Variants in PARPBP observed in about 807,000 individuals in gnomAD.
PARPBP encodes the protein PCNA-interacting partner.
In PARPBP, 52 loss-of-function variants were observed where a neutral mutation model predicts 50.0. The observed-to-expected ratio is 1.04, with a 90% CI of 0.83 to 1.31. The LOEUF is 1.31. PARPBP is among the 50% of genes most tolerant of loss of function. The probability of loss-of-function intolerance (pLI) is 0.00; values close to 1 mark genes in which losing one functional copy is unlikely to be tolerated. For missense variants in PARPBP, 697 were observed against 672.0 expected (o/e 1.04, Z -0.41); for synonymous variants, 244 against 232.1 (o/e 1.05, Z -0.47).
At chr12:102,163,122 A>C (rs918901841) in intron 4 of PARPBP, among the ~76,000 whole-genome samples, 5 of 152,162 alleles carry the variant, frequency 3.3e-5, no homozygotes, top group African/African-American at 1.2e-4. Flanking sequence ...TCTTTTCTTC[A>C]TTGTTCCTTT....
intron 2 of PARPBP, among the ~76,000 whole-genome samples, chr12:102,125,218 C>CT (rs1211744268): frequency 6.6e-6 from 1 of 152,070 alleles, no homozygotes; most frequent in Admixed American, 6.5e-5. Flanking sequence ...GAAGTCACTT[C>CT]TTATGGAGTG....
chr12:102,195,858 C>T (rs1000254806), intron 10 of PARPBP, 93 bp from the exon 11 acceptor site: 33 of 738,916 alleles, frequency 4.5e-5, no homozygotes, highest in Admixed American at 4.2e-4. Context: ...TTTGAATATT[C>T]GTTAGCCATT....
At chr12:102,191,697 G>A (rs1890806365) in intron 9 of PARPBP, among the ~76,000 whole-genome samples, 1 of 152,180 alleles carries the variant, frequency 6.6e-6, no homozygotes, top group Non-Finnish European at 1.5e-5. Flanking sequence ...AAGAGCTTGT[G>A]GCAAAAGGAC....
intron 8 of PARPBP, among the ~76,000 whole-genome samples, chr12:102,180,167 G>A (rs747003517): frequency 3.3e-5 from 5 of 152,116 alleles, no homozygotes; most frequent in African/African-American, 4.8e-5. Flanking sequence ...TTTTATTAAC[G>A]ATAAATATTT....
intron 4 of PARPBP, among the ~76,000 whole-genome samples, chr12:102,155,451 T>C (rs1428060515): frequency 6.6e-6 from 1 of 151,892 alleles, no homozygotes; most frequent in African/African-American, 2.4e-5. Flanking sequence ...GCTGGGAAGG[T>C]GACCGCATCC....
At position 102,196,919 on chromosome 12, in the gene PARPBP, G is replaced by A; in HGVS notation, c.*628G>A. 7.0e-7 allele frequency: 1 copy of A among 1,438,800 alleles called. No individual in the cohort carries two copies. Among genetic ancestry groups the A allele is most frequent in the Non-Finnish European group, 9.7e-7 (1 of 1,028,434 alleles). The allele number at this position is 1,438,800 out of a possible 1,614,324, so 89.1% of individuals were successfully genotyped here. On this transcript the variant is annotated 3_prime_UTR_variant, in exon 11 of 11. Coordinates refer to ENST00000327680, the MANE Select transcript of PARPBP (RefSeq NM_017915.5). ...GCATCCAAATTCACTTTAACTCAGA[G>A]TTCTGTTTAATGGTGGTAGGATGTA...
intron 4 of PARPBP, among the ~76,000 whole-genome samples, chr12:102,156,824 T>A (rs1015172145): frequency 6.6e-6 from 1 of 152,076 alleles, no homozygotes; most frequent in African/African-American, 2.4e-5. Flanking sequence ...GTATTTTTAG[T>A]AGAGACCAGG....
chr12:102,189,733 A>G (rs1363290379), intron 9 of PARPBP, among the ~76,000 whole-genome samples: 2 of 152,094 alleles, frequency 1.3e-5, no homozygotes, highest in Admixed American at 1.3e-4. Context: ...GAAAAAAAAC[A>G]GTGAATAAAT....
chr12:102,136,623 A>C (rs1357339695), intron 2 of PARPBP, among the ~76,000 whole-genome samples: 1 of 152,174 alleles, frequency 6.6e-6, no homozygotes, highest in Non-Finnish European at 1.5e-5. Context: ...GTGAAAGTTC[A>C]GACTCTGGGT....
intron 3 of PARPBP, among the ~76,000 whole-genome samples, chr12:102,151,004 C>T (rs1231571465): frequency 6.6e-6 from 1 of 152,144 alleles, no homozygotes; most frequent in African/African-American, 2.4e-5. Context: ...ACTTGTAGAA[C>T]TGTCATCACT....
At chr12:102,136,833 G>A (rs1308659410) in intron 2 of PARPBP, among the ~76,000 whole-genome samples, 1 of 152,128 alleles carries the variant, frequency 6.6e-6, no homozygotes, top group Non-Finnish European at 1.5e-5. Context: ...TTCGTGAGTA[G>A]CATATAGTAA....
intron 8 of PARPBP, among the ~76,000 whole-genome samples, chr12:102,180,094 A>G (rs1203498540): frequency 6.6e-6 from 1 of 152,088 alleles, no homozygotes; most frequent in African/African-American, 2.4e-5. Flanking sequence ...AACTTCCATG[A>G]CTATTCTTTT....
At position 102,148,290 on chromosome 12, in the gene PARPBP, C is replaced by CAT; in HGVS notation, c.215_216dup (p.Glu73MetfsTer4). On this transcript the variant is annotated frameshift_variant, in exon 3 of 11. Coordinates refer to ENST00000327680, the MANE Select transcript of PARPBP (RefSeq NM_017915.5). LOFTEE classifies it high-confidence loss of function. ...TTTATTGACATGGAAATACTTGCTCCATGAGAAATTGAACTTACCAGTTGA... is the reference window on the plus strand; with the variant it reads ...TTTATTGACATGGAAATACTTGCTCCATATGAGAAATTGAACTTACCAGTTGA... 1 of 1,608,378 alleles carries CAT rather than the reference C, an allele frequency of 6.2e-7. No homozygotes were observed. Among genetic ancestry groups the CAT allele is most frequent in the Non-Finnish European group, 8.5e-7 (1 of 1,176,046 alleles).
chr12:102,141,284 T>G (rs1030814916), intron 2 of PARPBP, among the ~76,000 whole-genome samples: 6 of 152,228 alleles, frequency 3.9e-5, no homozygotes, highest in African/African-American at 9.6e-5. Context: ...AAGTCTGTTT[T>G]ATCAGAGACT....
At chr12:102,173,137 C>G (rs79835345) in intron 6 of PARPBP, among the ~76,000 whole-genome samples, 5,412 of 152,150 alleles carry the variant, frequency 0.036, 375 homozygotes, top group East Asian at 0.29. Flanking sequence ...GCCAGCGAGG[C>G]AAGTGAAGAA....
chr12:102,192,232 T>G (rs1337492526), intron 9 of PARPBP, among the ~76,000 whole-genome samples: 1 of 152,138 alleles, frequency 6.6e-6, no homozygotes, highest in Non-Finnish European at 1.5e-5. Flanking sequence ...TCCTACATGT[T>G]ATTACAATAA....
intron 3 of PARPBP, among the ~76,000 whole-genome samples, chr12:102,150,611 ATC>A (rs1292988529): frequency 6.6e-6 from 1 of 152,224 alleles, no homozygotes; most frequent in Non-Finnish European, 1.5e-5. Context: ...GCCCATGGGC[ATC>A]TCGGAGCATA....
In PARPBP at chr12:102,187,669, C is replaced by T. The variant is rs138912212; in HGVS notation, c.1263+5042C>T. Among the ~76,000 whole-genome samples the T allele has an allele frequency of 5.8e-3, 886 of 152,044 alleles. 10 individuals are homozygous for T. The highest frequency in any genetic ancestry group is 0.02 in the African/African-American group (827 of 41,462). On this transcript the variant is annotated intron_variant, in intron 9 of 10. Transcript: ENST00000327680. ...TCTACCTCTACTGTTCCTCAAGCTACGGAAAAATGAGGGATAACAGAAAAA... is the reference window on the plus strand; with the variant it reads ...TCTACCTCTACTGTTCCTCAAGCTATGGAAAAATGAGGGATAACAGAAAAA...
Position 102,196,349 on chromosome 12 carries a change from C to A in PARPBP, c.*58C>A. On this transcript the variant is annotated 3_prime_UTR_variant, in exon 11 of 11. Transcript: ENST00000327680. ...CTATAAACCATTCACCAAAGACATG[C>A]TTAATTTTTAAGAGATCAAGGTGTA... The A allele has an allele frequency of 8.7e-7, 1 of 1,147,642 alleles. No individual in the cohort carries two copies. The highest frequency in any genetic ancestry group is 1.2e-6 in the Non-Finnish European group (1 of 802,650). The allele number at this position is 1,147,642 out of a possible 1,614,324, so 71.1% of individuals were successfully genotyped here.
Sources: allele counts gnomAD v4.1 joint callset (sites outside exome capture counted in the v4.1 genomes callset), GRCh38; gene constraint gnomAD v4.1.1; transcripts MANE v1.5; gene names NCBI Gene and HGNC (gene_info 2026-07-23, HGNC 2026-07-21).